PROM1: variants seen among roughly 807,000 people sequenced by gnomAD.
PROM1 encodes prominin 1, also known as prominin-1.
PROM1 carries 105 observed loss-of-function variants against 116.9 expected under a neutral mutation model. The observed-to-expected ratio is 0.90, with a 90% CI of 0.77 to 1.06. The LOEUF (loss-of-function observed/expected upper bound fraction) is 1.06. Among genes scored for constraint, PROM1 ranks in the 50% least tolerant of loss-of-function variants. The probability of loss-of-function intolerance (pLI) is 0.00; values close to 1 mark genes in which losing one functional copy is unlikely to be tolerated. For synonymous variants in PROM1, 393 were observed against 387.0 expected, an observed-to-expected ratio of 1.02 and a Z score of -0.18; for missense variants, 1,122 against 1,045.2, an observed-to-expected ratio of 1.07 and a Z score of -1.01.
At chr4:16,045,229 GC>G (rs899710845) in intron 2 of PROM1, among the ~76,000 whole-genome samples, 7 of 152,100 alleles carry the variant, frequency 4.6e-5, no homozygotes, top group African/African-American at 1.7e-4. Context: ...TTGAGTTCTG[GC>G]CAGCGGAACA....
At chr4:16,025,503 A>G (rs1731034626) in intron 5 of PROM1, among the ~76,000 whole-genome samples, 191 bp from the exon 6 acceptor site, 1 of 152,184 alleles carries the variant, frequency 6.6e-6, no homozygotes, top group Non-Finnish European at 1.5e-5. Context: ...CGTAGGGGCT[A>G]CAAAACAGGA....
chr4:15,979,723 C>T (rs1717268142), intron 25 of PROM1, among the ~76,000 whole-genome samples, 158 bp downstream of exon 25: 1 of 152,066 alleles, frequency 6.6e-6, no homozygotes, highest in South Asian at 2.1e-4. Flanking sequence ...ATGTGCCAAC[C>T]CTCTTTTTAA....
chr4:16,043,409 C>G (rs571357515), intron 2 of PROM1, among the ~76,000 whole-genome samples: 1 of 152,200 alleles, frequency 6.6e-6, no homozygotes, highest in Non-Finnish European at 1.5e-5. Flanking sequence ...GCCTCAAACT[C>G]CTGGCCTCAG....
At chr4:16,024,706 T>C (rs1310214915) in intron 6 of PROM1, among the ~76,000 whole-genome samples, 4 of 152,000 alleles carry the variant, frequency 2.6e-5, no homozygotes. Context: ...TGTACGTGTG[T>C]GTGTGTATGT....
intron 1 of PROM1, chr4:16,080,716 G>A (rs1305568242): frequency 6.6e-6 from 1 of 152,202 alleles, no homozygotes; most frequent in Non-Finnish European, 1.5e-5. Flanking sequence ...CTGGGTGGGA[G>A]GCAGCCCTGC....
Position 16,013,287 on chromosome 4 carries a change from T to A in PROM1, c.1129A>T (p.Thr377Ser). 6.2e-7 allele frequency: 1 copy of A among 1,607,824 alleles called. No homozygotes were observed. The highest frequency in any genetic ancestry group is 8.5e-7 in the Non-Finnish European group (1 of 1,174,358). ...IPDRVQRQTT[T>S]VVAGIKRVLN... ...CTGTGAATCTCACCTGCTACGACAGTCGTGGTTTGGCGTTGTACTCTGTCA... is the reference window on the plus strand; with the variant it reads ...CTGTGAATCTCACCTGCTACGACAGACGTGGTTTGGCGTTGTACTCTGTCA... The change falls in exon 11 of 28, where the codon ACT becomes TCT. Residue 377 changes from threonine to serine, a missense_variant. Physicochemically the swap from Thr to Ser is moderately conservative, Grantham distance 58 (BLOSUM62 1). Coordinates refer to ENST00000447510, the MANE Select transcript of PROM1 (RefSeq NM_006017.3).
chr4:16,001,070 G>A (rs1232100501), intron 13 of PROM1, among the ~76,000 whole-genome samples: 1 of 152,244 alleles, frequency 6.6e-6, no homozygotes, highest in African/African-American at 2.4e-5. Context: ...ACGTGGATGG[G>A]ACATCATTGC....
intron 1 of PROM1, among the ~76,000 whole-genome samples, chr4:16,078,644 A>G (rs1744437862): frequency 6.6e-6 from 1 of 152,162 alleles, no homozygotes; most frequent in African/African-American, 2.4e-5. Flanking sequence ...ACTAACTTTC[A>G]AGATAAGTAC....
At chr4:16,016,354 C>T in intron 9 of PROM1, 114 bp from the exon 10 acceptor site, 1 of 791,060 alleles carries the variant, frequency 1.3e-6, no homozygotes, top group East Asian at 2.9e-5. Context: ...CTACAGGGTA[C>T]AATCGCAGTT....
chr4:16,001,629 C>G (rs1032203670), intron 13 of PROM1, among the ~76,000 whole-genome samples: 1 of 152,118 alleles, frequency 6.6e-6, no homozygotes, highest in Non-Finnish European at 1.5e-5. Flanking sequence ...TGTCACCAAC[C>G]AATGTGCTGT....
Position 16,075,781 on chromosome 4 carries a change from C to T in PROM1, c.126G>A (p.Glu42=). ...WNYELPATNY[E]TQDSHKAGPI... is the part of the protein sequence containing the mutation. ...GTCCAGCTTTATGGGAGTCTTGGGT[C>T]TCATAATTTGTTGCAGGCAATTCAT... The change falls in exon 2 of 28, where the codon GAG becomes GAA. Residue 42 remains glutamate (E), a synonymous_variant. Transcript: ENST00000447510. 1 of 1,613,712 alleles carries T rather than the reference C, an allele frequency of 6.2e-7. No homozygotes were observed. Among genetic ancestry groups the T allele is most frequent in the African/African-American group, 1.3e-5 (1 of 75,014 alleles).
chr4:16,029,385 T>C (rs2149362222), intron 5 of PROM1, among the ~76,000 whole-genome samples: 1 of 152,108 alleles, frequency 6.6e-6, no homozygotes, highest in Non-Finnish European at 1.5e-5. Flanking sequence ...TCCATAACCT[T>C]TATGAGAAAT....
chr4:15,978,302 A>AT (rs1275682567), intron 26 of PROM1, among the ~76,000 whole-genome samples: 3 of 152,276 alleles, frequency 2.0e-5, no homozygotes, highest in East Asian at 1.9e-4. Flanking sequence ...AAAAGTTCTG[A>AT]TTTTTTTACA....
In PROM1 at chr4:16,018,419, G is replaced by A. The variant is rs1578055879; in HGVS notation, c.906C>T (p.Leu302=). The change falls in exon 9 of 28, where the codon CTC becomes CTT. Residue 302 remains leucine, a synonymous_variant. Coordinates refer to ENST00000447510, the MANE Select transcript of PROM1 (RefSeq NM_006017.3). ...TSVKTSLRSS[L]NDPLCLVHPS... is the part of the protein sequence containing the mutation. ...GATGCACCAAGCACAGAGGGTCATTGAGAGATGACCGCAGGCTAGTTTTCA... is the reference window on the plus strand; with the variant it reads ...GATGCACCAAGCACAGAGGGTCATTAAGAGATGACCGCAGGCTAGTTTTCA... The A allele has an allele frequency of 6.2e-7, 1 of 1,613,828 alleles. No individual in the cohort carries two copies. Among genetic ancestry groups the A allele is most frequent in the Middle Eastern group, 1.7e-4 (1 of 5,946 alleles).
chr4:16,037,205 T>A (rs1482715967), intron 3 of PROM1, among the ~76,000 whole-genome samples: 2 of 152,188 alleles, frequency 1.3e-5, no homozygotes, highest in East Asian at 1.9e-4. Flanking sequence ...TCGGGCTGGC[T>A]AAGCATGTTA....
At chr4:16,004,862 T>TTCCTTC (rs1453269908) in intron 13 of PROM1, among the ~76,000 whole-genome samples, 3,473 of 137,868 alleles carry the variant, frequency 0.025, 60 homozygotes, top group Non-Finnish European at 0.042. Context: ...CCTTCCTTCC[T>TTCCTTC]CTCTCTCTCC....
At chr4:16,063,841 A>G (rs1740901481) in intron 2 of PROM1, among the ~76,000 whole-genome samples, 1 of 152,208 alleles carries the variant, frequency 6.6e-6, no homozygotes. Flanking sequence ...ATGAAATGAC[A>G]GAACAACTGG....
intron 26 of PROM1, among the ~76,000 whole-genome samples, chr4:15,977,681 C>A (rs2149017794): frequency 6.6e-6 from 1 of 152,318 alleles, no homozygotes; most frequent in Admixed American, 6.5e-5. Flanking sequence ...TCACTGCAAC[C>A]TCTGCCTCCC....
chr4:16,012,539 T>G (rs903762552), intron 11 of PROM1, among the ~76,000 whole-genome samples: 1 of 152,176 alleles, frequency 6.6e-6, no homozygotes, highest in African/African-American at 2.4e-5. Context: ...ATCTTCCTAA[T>G]AGACAAAATA....
Sources: allele counts gnomAD v4.1 joint callset (sites outside exome capture counted in the v4.1 genomes callset), GRCh38; gene constraint gnomAD v4.1.1; transcripts MANE v1.5; gene names NCBI Gene and HGNC (gene_info 2026-07-23, HGNC 2026-07-21).